The following NBAS variants were observed in gnomAD, a reference collection of about 807,000 sequenced individuals.
NBAS encodes NAG/BC035112 fusion.
NBAS carries 219 observed loss-of-function variants against 302.5 expected under a neutral mutation model. The observed-to-expected ratio is 0.72, with a 90% CI of 0.65 to 0.81. The LOEUF is 0.81. Ranked by LOEUF, NBAS falls within the 30% of genes least tolerant of loss-of-function variation. NBAS has a pLI of 0.00. For synonymous variants in NBAS, 1,118 were observed against 1,021.6 expected (o/e 1.09, Z -1.80); for missense variants, 2,932 against 2,841.6 (o/e 1.03, Z -0.72).
At chr2:15,381,635 C>T (rs1675038808) in intron 29 of NBAS, among the ~76,000 whole-genome samples, 1 of 152,196 alleles carries the variant, frequency 6.6e-6, no homozygotes, top group Admixed American at 6.5e-5. Context: ...TGCACAAACA[C>T]TACCTCAAAC....
At chr2:14,784,833 C>G in the NBAS span, among the ~76,000 whole-genome samples, 1 of 151,970 alleles carries the variant, frequency 6.6e-6, no homozygotes, top group East Asian at 1.9e-4. Flanking sequence ...AACTTTAAAG[C>G]AGTTTTTTCC....
chr2:15,041,678 T>C, the NBAS span, among the ~76,000 whole-genome samples: 1 of 152,154 alleles, frequency 6.6e-6, no homozygotes, highest in African/African-American at 2.4e-5. Flanking sequence ...GTACACCAGT[T>C]GAAAAAGCAA....
At chr2:15,534,280 G>A (rs577205773) in intron 9 of NBAS, among the ~76,000 whole-genome samples, 148 of 152,250 alleles carry the variant, frequency 9.7e-4, no homozygotes, top group African/African-American at 3.4e-3. Flanking sequence ...TTACAGATGA[G>A]AAAAATAAGG....
At position 15,457,608 on chromosome 2, in the gene NBAS, T is replaced by C. The variant is rs182369290; in HGVS notation, c.2339+3593A>G. ...GTAAAGCATCCCTGATCACTCGTGC[T>C]GAAGAGGAGCTATGCTCTACTCATC... On this transcript the variant is annotated intron_variant, in intron 21 of 51. Coordinates refer to ENST00000281513, the MANE Select transcript of NBAS (RefSeq NM_015909.4). Among the ~76,000 whole-genome samples the C allele has an allele frequency of 3.5e-3, 530 of 152,344 alleles. 3 individuals are homozygous for C. The highest frequency in any genetic ancestry group is 5.6e-3 in the South Asian group (27 of 4,822).
chr2:15,409,777 C>T (rs976123274), intron 25 of NBAS, among the ~76,000 whole-genome samples: 1 of 152,100 alleles, frequency 6.6e-6, no homozygotes, highest in African/African-American at 2.4e-5. Flanking sequence ...GAGTTTTGCT[C>T]AAAGTTTAGT....
At chr2:14,865,331 A>G in the NBAS span, among the ~76,000 whole-genome samples, 5 of 150,476 alleles carry the variant, frequency 3.3e-5, no homozygotes, top group Non-Finnish European at 7.4e-5. Context: ...AGGTTGGGGA[A>G]GCAGGTGGGG....
chr2:15,334,466 G>A (rs990957017), intron 35 of NBAS, among the ~76,000 whole-genome samples: 1 of 152,054 alleles, frequency 6.6e-6, no homozygotes, highest in Non-Finnish European at 1.5e-5. Flanking sequence ...GGGATTACAG[G>A]TGTCAGCCAC....
the NBAS span, among the ~76,000 whole-genome samples, chr2:14,996,178 G>C: frequency 6.6e-6 from 1 of 152,282 alleles, no homozygotes; most frequent in East Asian, 1.9e-4. Flanking sequence ...ACCCCATTGG[G>C]TCTCTCTGAT....
chr2:15,128,263 T>G, the NBAS span, among the ~76,000 whole-genome samples: 677 of 152,338 alleles, frequency 4.4e-3, 1 homozygote, highest in Middle Eastern at 0.01. Flanking sequence ...ATCCTTACTT[T>G]TGCAGCAGAA....
the NBAS span, among the ~76,000 whole-genome samples, chr2:14,848,334 C>A: frequency 6.9e-6 from 1 of 144,968 alleles, no homozygotes; most frequent in South Asian, 2.1e-4. Context: ...CCTGGAAAAT[C>A]GGGTCACTCC....
chr2:14,838,597 G>C, the NBAS span, among the ~76,000 whole-genome samples: 1 of 151,834 alleles, frequency 6.6e-6, no homozygotes, highest in Non-Finnish European at 1.5e-5. Flanking sequence ...ACATTGTCTT[G>C]TCTGTTGATG....
At chr2:15,376,613 G>T (rs1221455708) in intron 30 of NBAS, among the ~76,000 whole-genome samples, 2 of 151,978 alleles carry the variant, frequency 1.3e-5, no homozygotes, top group Non-Finnish European at 2.9e-5. Flanking sequence ...GGGAATGGGG[G>T]GACTTGGTGC....
intron 47 of NBAS, among the ~76,000 whole-genome samples, chr2:15,228,413 A>G (rs1234507138): frequency 6.6e-6 from 1 of 152,218 alleles, no homozygotes; most frequent in Non-Finnish European, 1.5e-5. Flanking sequence ...AGTCGCTGTT[A>G]GGGAAAACAG....
chr2:15,384,967 T>C lies in NBAS; in HGVS notation c.3258-1650A>G, dbSNP rs114106876. 5.5e-3 allele frequency among the ~76,000 whole-genome samples: 821 copies of C among 148,514 alleles called. 9 individuals are homozygous for C. Among genetic ancestry groups the C allele is most frequent in the African/African-American group, 0.019 (786 of 40,398 alleles). On this transcript the variant is annotated intron_variant, in intron 28 of 51. Coordinates refer to ENST00000281513, the MANE Select transcript of NBAS (RefSeq NM_015909.4). ...TAGTTATTGCTATAGAGAAAGTATA[T>C]ATTTGGGATCATTACAGCAAAAAAT... is the stretch of plus-strand genomic sequence containing the variant.
intron 50 of NBAS, among the ~76,000 whole-genome samples, chr2:15,184,480 C>T (rs1009051995): frequency 2.0e-5 from 3 of 151,872 alleles, no homozygotes; most frequent in Admixed American, 6.6e-5. Context: ...GCTACAGTGA[C>T]GCATCATCAT....
chr2:15,536,118 T>A (rs1663496766), intron 8 of NBAS, among the ~76,000 whole-genome samples: 1 of 152,194 alleles, frequency 6.6e-6, no homozygotes, highest in Non-Finnish European at 1.5e-5. Context: ...TAAACTCTAA[T>A]AATATGCATG....
At chr2:15,138,305 A>C in the NBAS span, among the ~76,000 whole-genome samples, 1 of 152,182 alleles carries the variant, frequency 6.6e-6, no homozygotes, top group Non-Finnish European at 1.5e-5. Flanking sequence ...AGCAGGGAGC[A>C]CAAGGATGTC....
the NBAS span, among the ~76,000 whole-genome samples, chr2:15,053,354 G>A: frequency 6.6e-6 from 1 of 152,178 alleles, no homozygotes; most frequent in Non-Finnish European, 1.5e-5. Flanking sequence ...GGCAAGGCAG[G>A]AAGGAACTCA....
intron 32 of NBAS, among the ~76,000 whole-genome samples, chr2:15,362,130 G>A (rs906135440): frequency 6.6e-6 from 1 of 151,802 alleles, no homozygotes; most frequent in Admixed American, 6.6e-5. Flanking sequence ...TCTTCTTTAT[G>A]TACTTCATAA....
Sources: gnomAD v4.1 joint callset for allele counts (sites outside exome capture counted in the v4.1 genomes callset) on GRCh38, gnomAD v4.1.1 for gene constraint, MANE v1.5 for transcripts, NCBI Gene and HGNC (gene_info 2026-07-23, HGNC 2026-07-21) for gene names.